PCCB: variants seen among roughly 807,000 people sequenced by gnomAD.
The protein encoded by PCCB is propionyl-CoA carboxylase beta chain, mitochondrial.
A neutral mutation model predicts 60.7 loss-of-function variants in PCCB; 43 were observed. That is an observed-to-expected ratio of 0.71 (90% CI 0.55 to 0.91). The LOEUF is 0.91. Ranked by LOEUF, PCCB falls within the 40% of genes least tolerant of loss-of-function variation. The pLI is 0.00. For missense variants in PCCB, 766 were observed against 702.8 expected (o/e 1.09, Z -1.02); for synonymous variants, 276 against 255.9 (o/e 1.08, Z -0.75).
chr3:136,251,215 C>G (rs1941506782), intron 1 of PCCB: 1 of 456,490 alleles, frequency 2.2e-6, no homozygotes, highest in African/African-American at 2.0e-5. Flanking sequence ...AGTTGAAACA[C>G]TGCCACCCAC....
At chr3:136,303,223 T>G (rs1046590124) in intron 9 of PCCB, among the ~76,000 whole-genome samples, 1 of 123,278 alleles carries the variant, frequency 8.1e-6, no homozygotes, top group African/African-American at 2.5e-5. Flanking sequence ...TTGTATTGTT[T>G]GTAAGTTTAG....
rs1262176612 is a variant in PCCB, at chr3:136,315,679, T to A, written c.967-1262T>A. 5.9e-4 allele frequency among the ~76,000 whole-genome samples: 71 copies of A among 120,088 alleles called. 1 individual carries two copies. The allele number at this position is 120,088 out of a possible 152,430, so 78.8% of individuals were successfully genotyped here. On this transcript the variant is annotated intron_variant, in intron 9 of 14. Transcript: ENST00000251654. ...GACCCTGTCTCTACAAAAAATATAA[T>A]TTTTTTTTTTTGGTGGCATATACCT... is the stretch of plus-strand genomic sequence containing the variant.
intron 10 of PCCB, among the ~76,000 whole-genome samples, chr3:136,322,245 G>GAT (rs1402837937): frequency 6.6e-6 from 1 of 152,032 alleles, no homozygotes; most frequent in Non-Finnish European, 1.5e-5. Flanking sequence ...TTAGACTGTT[G>GAT]ATATGATAGA....
rs555769041 is a variant in PCCB, at chr3:136,266,102, G to A, written c.543+4037G>A. On this transcript the variant is annotated intron_variant, in intron 5 of 14. Coordinates refer to ENST00000251654, the MANE Select transcript of PCCB (RefSeq NM_000532.5). ...AGCCTCCCAAAGTGCTGGGATTACA[G>A]GTGTGAGCCACCACCATGCCCAGCC... is the stretch of plus-strand genomic sequence containing the variant. Among the ~76,000 whole-genome samples, 6 of 150,908 alleles carry A rather than the reference G, an allele frequency of 4.0e-5. No individual in the cohort carries two copies. The East Asian group carries it at 7.9e-4, about 20-fold the overall frequency.
At position 136,298,076 on chromosome 3, in the gene PCCB, G is replaced by T; in HGVS notation, c.884+4G>T. 6.2e-7 allele frequency: 1 copy of T among 1,614,090 alleles called. No individual in the cohort carries two copies. The highest frequency in any genetic ancestry group is 1.7e-5 in the Admixed American group (1 of 60,018). On this transcript the variant is annotated splice_donor_region_variant and intron_variant, in intron 8 of 14. Coordinates refer to ENST00000251654, the MANE Select transcript of PCCB (RefSeq NM_000532.5). ...TCCGTGAGTGCCACGATCCCAGGTG[G>T]GTTGTAGGCCGGTGCACCTTCTCTC... is the stretch of plus-strand genomic sequence containing the variant.
At chr3:136,274,637 C>T (rs1490492694) in intron 5 of PCCB, among the ~76,000 whole-genome samples, 1 of 152,148 alleles carries the variant, frequency 6.6e-6, no homozygotes, top group East Asian at 1.9e-4. Context: ...CCCAGGAGTT[C>T]TTTGAGCTTC....
chr3:136,294,897 C>T (rs891685353), intron 7 of PCCB, among the ~76,000 whole-genome samples: 3 of 152,168 alleles, frequency 2.0e-5, no homozygotes, highest in East Asian at 1.9e-4. Context: ...GGATTACAGG[C>T]GTGAGCCACC....
At position 136,260,537 on chromosome 3, in the gene PCCB, T is replaced by G. The variant is rs1455478417; in HGVS notation, c.429+2T>G. On this transcript the variant is annotated splice_donor_variant, in intron 4 of 14. Coordinates refer to ENST00000251654, the MANE Select transcript of PCCB (RefSeq NM_000532.5). LOFTEE classifies it high-confidence loss of function. ...GCACATGCCCAAAAGATCTGCAAAG[T>G]AAGTGTTTAATACTCAAATTCAATC... 6.2e-7 allele frequency: 1 copy of G among 1,609,770 alleles called. No individual in the cohort carries two copies. The highest frequency in any genetic ancestry group is 8.5e-7 in the Non-Finnish European group (1 of 1,176,268).
rs79986003 is a variant in PCCB, at chr3:136,321,929, A to T, written c.1090+4865A>T. 6.8e-4 allele frequency among the ~76,000 whole-genome samples: 104 copies of T among 152,312 alleles called. 3 individuals carry two copies. The East Asian group carries it at 0.019, about 28-fold the overall frequency. On this transcript the variant is annotated intron_variant, in intron 10 of 14. Transcript: ENST00000251654. ...GTATGGACAATTTTGTCATCTGTGAACAAAGACAGTTTGATTTCTTCCTTC... is the reference window on the plus strand; with the variant it reads ...GTATGGACAATTTTGTCATCTGTGATCAAAGACAGTTTGATTTCTTCCTTC...
In PCCB at chr3:136,305,582, C is replaced by G. The variant is rs190070339; in HGVS notation, c.966+4471C>G. 8.4e-4 allele frequency among the ~76,000 whole-genome samples: 98 copies of G among 116,722 alleles called. 31 individuals are homozygous for G. The highest frequency in any genetic ancestry group is 6.3e-4 in the Non-Finnish European group (33 of 52,736). 76.6% of individuals were successfully genotyped at this position (116,722 alleles called of 152,430 possible). On this transcript the variant is annotated intron_variant, in intron 9 of 14. Coordinates refer to ENST00000251654, the MANE Select transcript of PCCB (RefSeq NM_000532.5). ...TGACCAACACGGTGAAAACCTGTCT[C>G]TATTGAAAATACAAAAATTAGCCGG...
chr3:136,258,306 A>C (rs1173956532), intron 3 of PCCB, among the ~76,000 whole-genome samples: 4 of 152,172 alleles, frequency 2.6e-5, no homozygotes, highest in Non-Finnish European at 5.9e-5. Context: ...TGAAGAAGCG[A>C]ATCATTTTAT....
At chr3:136,292,744 T>A (rs1377425701) in intron 6 of PCCB, among the ~76,000 whole-genome samples, 1 of 152,034 alleles carries the variant, frequency 6.6e-6, no homozygotes, top group Admixed American at 6.5e-5. Flanking sequence ...AGATAATGTT[T>A]GTGTTAGAAG....
In PCCB at chr3:136,292,230, T is replaced by A. The variant is rs77890743; in HGVS notation, c.655-1526T>A. 3.9e-3 allele frequency among the ~76,000 whole-genome samples: 562 copies of A among 145,918 alleles called. 8 individuals are homozygous for A. In the East Asian group the frequency reaches 0.05, roughly 13 times the overall value. ...TGGACTAGAAACCTGAAATTTTGTG[T>A]CTCTAGTTTTTTTTTTTTTTAACAG... On this transcript the variant is annotated intron_variant, in intron 6 of 14. Coordinates refer to ENST00000251654, the MANE Select transcript of PCCB (RefSeq NM_000532.5).
At chr3:136,270,265 C>A (rs1942158566) in intron 5 of PCCB, among the ~76,000 whole-genome samples, 2 of 152,032 alleles carry the variant, frequency 1.3e-5, no homozygotes, top group Non-Finnish European at 2.9e-5. Context: ...TGGGCTCTGC[C>A]AGTATTTCCT....
chr3:136,280,654 A>G (rs1405117480), intron 5 of PCCB, among the ~76,000 whole-genome samples: 2 of 152,026 alleles, frequency 1.3e-5, no homozygotes, highest in Non-Finnish European at 2.9e-5. Flanking sequence ...CCTTCTTTCA[A>G]TATTTTGTTT....
intron 14 of PCCB, among the ~76,000 whole-genome samples, chr3:136,329,478 AAACTC>A (rs1050262207): frequency 1.3e-5 from 2 of 152,212 alleles, no homozygotes; most frequent in African/African-American, 4.8e-5. Context: ...TAGGCCAAGA[AAACTC>A]AACAAGGTTA....
chr3:136,264,870 G>C (rs1421423275), intron 5 of PCCB, among the ~76,000 whole-genome samples: 4 of 85,876 alleles, frequency 4.7e-5, no homozygotes, highest in Non-Finnish European at 9.1e-5. Flanking sequence ...GCAAGACTCC[G>C]TCTCAAAAAA....
intron 6 of PCCB, among the ~76,000 whole-genome samples, chr3:136,285,810 C>T (rs188692299): frequency 6.6e-6 from 1 of 152,312 alleles, no homozygotes; most frequent in African/African-American, 2.4e-5. Flanking sequence ...TTTCTGCTTA[C>T]AAAACTTTAG....
intron 7 of PCCB, among the ~76,000 whole-genome samples, chr3:136,295,222 T>G (rs527811761): frequency 6.6e-5 from 10 of 152,378 alleles, no homozygotes; most frequent in African/African-American, 2.4e-4. Context: ...GCCTGATTTA[T>G]GCACCTCATT....
Sources: allele counts gnomAD v4.1 joint callset (sites outside exome capture counted in the v4.1 genomes callset), GRCh38; gene constraint gnomAD v4.1.1; transcripts MANE v1.5; gene names NCBI Gene and HGNC (gene_info 2026-07-23, HGNC 2026-07-21).